STK10: variants seen among roughly 807,000 people sequenced by gnomAD.
STK10 encodes the protein serine/threonine kinase 10, also known as serine/threonine-protein kinase 10.
A neutral mutation model predicts 113.8 loss-of-function variants in STK10; 78 were observed. The observed-to-expected ratio is 0.69, with a 90% CI of 0.57 to 0.83. STK10 has a LOEUF of 0.83. Among genes scored for constraint, STK10 ranks in the 40% least tolerant of loss-of-function variants. The pLI, the probability that STK10 is intolerant of heterozygous loss-of-function variation, is 0.00. For synonymous variants in STK10, 465 were observed against 494.7 expected, an observed-to-expected ratio of 0.94 and a Z score of 0.80; for missense variants, 1,109 against 1,280.1, an observed-to-expected ratio of 0.87 and a Z score of 2.04.
chr5:172,106,443 C>G (rs938768461), intron 6 of STK10, among the ~76,000 whole-genome samples, 177 bp downstream of exon 6: 6 of 121,866 alleles, frequency 4.9e-5, no homozygotes, highest in African/African-American at 1.5e-4. Flanking sequence ...AAAAGAGGCA[C>G]GAAGGGCCCG....
chr5:172,173,550 C>A (rs572039056), intron 1 of STK10, among the ~76,000 whole-genome samples: 2 of 152,322 alleles, frequency 1.3e-5, no homozygotes, highest in East Asian at 3.9e-4. Flanking sequence ...GGGGCAGGCA[C>A]GGAGCTGAGA....
intron 4 of STK10, among the ~76,000 whole-genome samples, chr5:172,112,522 G>A (rs987577124): frequency 3.4e-5 from 5 of 146,718 alleles, no homozygotes; most frequent in African/African-American, 1.0e-4. Flanking sequence ...CTGGGTTCAC[G>A]CCATTCTCCT....
chr5:172,055,635 T>A lies in STK10; in HGVS notation c.2479A>T (p.Ile827Phe). 6.4e-7 allele frequency: 1 copy of A among 1,566,096 alleles called. No homozygotes were observed. Among genetic ancestry groups the A allele is most frequent in the Non-Finnish European group, 8.7e-7 (1 of 1,152,430 alleles). ...TCAGCTGCGCTGCCCCCGCCGTTGA[T>A]GTGGAGGCTCTTCTTGTACATGGCC... ...RMAMYKKSLHINGGGSAAEQR... is the reference protein window; with the variant it reads ...RMAMYKKSLHFNGGGSAAEQR... The change falls in exon 16 of 19, where the codon ATC becomes TTC. Residue 827 changes from isoleucine to phenylalanine, a missense_variant. Physicochemically the swap from Ile to Phe is conservative, Grantham distance 21 (BLOSUM62 0). Transcript: ENST00000176763.
chr5:172,065,292 CTTTT>C lies in STK10; in HGVS notation c.1990-484_1990-481del, dbSNP rs535856789. ...TAACACTAGCCGGGCTGAAAATGCA[CTTTT>C]TTTTTTTTTTTTTTTTGAGATGGAA... On this transcript the variant is annotated intron_variant, in intron 12 of 18. Transcript: ENST00000176763. Among the ~76,000 whole-genome samples, 621 of 123,166 alleles carry C rather than the reference CTTTT, an allele frequency of 5.0e-3. 6 individuals are homozygous for C. The highest frequency in any genetic ancestry group is 0.018 in the African/African-American group (599 of 32,502). The allele number at this position is 123,166 out of a possible 152,430, so 80.8% of individuals were successfully genotyped here. A position where few individuals can be genotyped will look rare whatever the true frequency, so the allele number is the denominator to read the frequency against.
chr5:172,131,378 C>G (rs1255891682), intron 2 of STK10, among the ~76,000 whole-genome samples: 1 of 152,114 alleles, frequency 6.6e-6, no homozygotes, highest in Non-Finnish European at 1.5e-5. Context: ...GTGACCAAAC[C>G]CAGGCAGTTC....
intron 3 of STK10, among the ~76,000 whole-genome samples, chr5:172,123,677 C>T (rs933488537): frequency 6.6e-6 from 1 of 152,248 alleles, no homozygotes; most frequent in South Asian, 2.1e-4. Context: ...TATGCTACAG[C>T]CAATGAGACA....
rs1489406743 is a variant in STK10 at position 172,043,845 on chromosome 5, TGGGACTCCTGAACACAGTCGGG to T, written c.*1015_*1036del. 6.6e-6 allele frequency: 1 copy of T among 152,140 alleles called. No homozygotes were observed. The highest frequency in any genetic ancestry group is 1.5e-5 in the Non-Finnish European group (1 of 68,070). 9.4% of individuals were successfully genotyped at this position (152,140 alleles called of 1,614,324 possible). ...GCCAGCCCAGGTCTGAAATGCAAGG[TGGGACTCCTGAACACAGTCGGG>T]GGGATGGGGCAGAGGCAAACAGCCC... On this transcript the variant is annotated 3_prime_UTR_variant, in exon 19 of 19. Transcript: ENST00000176763.
chr5:172,047,170 G>A (rs11959830), intron 18 of STK10, among the ~76,000 whole-genome samples: 10,174 of 152,160 alleles, frequency 0.067, 1,138 homozygotes, highest in African/African-American at 0.23. Context: ...CATCACCTCC[G>A]GGTCATTGTT....
intron 12 of STK10, among the ~76,000 whole-genome samples, chr5:172,074,313 C>T (rs1393985851): frequency 5.3e-5 from 8 of 152,174 alleles, no homozygotes; most frequent in African/African-American, 1.9e-4. Flanking sequence ...CTACAATCGT[C>T]AAGACACTGT....
At chr5:172,183,456 CTT>C (rs574488817) in intron 1 of STK10, among the ~76,000 whole-genome samples, 16 of 139,702 alleles carry the variant, frequency 1.1e-4, no homozygotes, top group Admixed American at 1.4e-4. Context: ...GTAAACTTTA[CTT>C]TTTTTTTTTT....
At chr5:172,146,994 G>A (rs965952920) in intron 2 of STK10, among the ~76,000 whole-genome samples, 6 of 152,188 alleles carry the variant, frequency 3.9e-5, no homozygotes, top group East Asian at 1.9e-4. Context: ...TGCACGTCGA[G>A]GCCTCTGGAC....
At chr5:172,128,948 T>G (rs1436266162) in intron 2 of STK10, among the ~76,000 whole-genome samples, 1 of 152,180 alleles carries the variant, frequency 6.6e-6, no homozygotes, top group African/African-American at 2.4e-5. Context: ...CCTGGCAATG[T>G]AAATATGACC....
At chr5:172,134,726 T>C (rs192525751) in intron 2 of STK10, among the ~76,000 whole-genome samples, 10 of 129,296 alleles carry the variant, frequency 7.7e-5, no homozygotes, top group African/African-American at 1.2e-4. Flanking sequence ...CTGGGCAACA[T>C]AGGGAGACCT....
intron 2 of STK10, among the ~76,000 whole-genome samples, chr5:172,149,931 C>T (rs1196573124): frequency 1.3e-5 from 2 of 151,114 alleles, no homozygotes; most frequent in Non-Finnish European, 2.9e-5. Flanking sequence ...CCTGTAATCC[C>T]AGCTACTCGG....
intron 15 of STK10, chr5:172,057,063 G>GA (rs1397891421): frequency 5.9e-4 from 142 of 239,720 alleles, no homozygotes; most frequent in Non-Finnish European, 8.7e-4. Context: ...AGAAGAAAGG[G>GA]AAAAAAAAGA....
At chr5:172,121,644 T>G (rs1234171239) in intron 3 of STK10, among the ~76,000 whole-genome samples, 1 of 152,010 alleles carries the variant, frequency 6.6e-6, no homozygotes, top group Admixed American at 6.6e-5. Context: ...CCGTCTCTAC[T>G]AAAAATACAA....
chr5:172,051,203 T>G (rs1640943799), intron 18 of STK10, among the ~76,000 whole-genome samples: 1 of 152,188 alleles, frequency 6.6e-6, no homozygotes, highest in African/African-American at 2.4e-5. Context: ...GTTATGCAGA[T>G]CTTCCAAAAG....
At position 172,096,494 on chromosome 5, in the gene STK10, C is replaced by A. The variant is rs889609207; in HGVS notation, c.937G>T (p.Glu313Ter). ...LRELVAEAKA[E>*]VMEEIEDGRD... ...CCGTCTTCGATCTCTTCCATCACCTCGGCCTTGGCCTCAGCCACCAGCTCC... is the reference window on the plus strand; with the variant it reads ...CCGTCTTCGATCTCTTCCATCACCTAGGCCTTGGCCTCAGCCACCAGCTCC... Residue 313 changes from glutamate to a stop codon, truncating the protein, a stop_gained, in exon 8 of 19, where the codon GAG becomes TAG. Transcript: ENST00000176763. LOFTEE classifies it high-confidence loss of function. The A allele has an allele frequency of 6.2e-7, 1 of 1,613,796 alleles. No homozygotes were observed. Among genetic ancestry groups the A allele is most frequent in the Non-Finnish European group, 8.5e-7 (1 of 1,180,052 alleles).
chr5:172,089,627 TAAAC>T (rs1279247436), intron 10 of STK10, among the ~76,000 whole-genome samples: 1 of 151,996 alleles, frequency 6.6e-6, no homozygotes, highest in Admixed American at 6.6e-5. Context: ...GATGGATAGA[TAAAC>T]AGATGGATAA....
Sources: gnomAD v4.1 joint callset for allele counts (sites outside exome capture counted in the v4.1 genomes callset) on GRCh38, gnomAD v4.1.1 for gene constraint, MANE v1.5 for transcripts, NCBI Gene and HGNC (gene_info 2026-07-23, HGNC 2026-07-21) for gene names.